HPSE2: variants seen among roughly 807,000 people sequenced by gnomAD.
HPSE2 encodes inactive heparanase-2.
Under a neutral mutation model 60.5 loss-of-function variants are expected in HPSE2, and 38 were observed. The ratio of observed to expected loss-of-function variants is 0.63; its 90% CI spans 0.48 to 0.82. HPSE2 has a LOEUF of 0.82. Among genes scored for constraint, HPSE2 ranks in the 40% least tolerant of loss-of-function variants. The probability of loss-of-function intolerance (pLI) is 0.00; values close to 1 mark genes in which losing one functional copy is unlikely to be tolerated. For synonymous variants in HPSE2, 295 were observed against 293.2 expected (o/e 1.01, Z -0.06); for missense variants, 713 against 740.4 (o/e 0.96, Z 0.43).
chr10:98,980,553 G>A, intron 3 of HPSE2, among the ~76,000 whole-genome samples: 1 of 152,190 alleles, frequency 6.6e-6, no homozygotes, highest in Non-Finnish European at 1.5e-5. Context: ...ATTGGTTACA[G>A]CTTGGCTTTT....
chr10:98,535,001 C>T (rs894556397), intron 9 of HPSE2, among the ~76,000 whole-genome samples: 2 of 152,214 alleles, frequency 1.3e-5, no homozygotes, highest in South Asian at 2.1e-4. Flanking sequence ...GTAAGGAGAA[C>T]CTTCCCTTCC....
intron 3 of HPSE2, among the ~76,000 whole-genome samples, chr10:98,805,745 GGAAA>G (rs1951027876): frequency 6.6e-6 from 1 of 151,992 alleles, no homozygotes; most frequent in Admixed American, 6.5e-5. Context: ...TAGACAATGC[GGAAA>G]GAAATTGTTG....
chr10:99,076,458 G>A (rs1842954526), intron 3 of HPSE2, among the ~76,000 whole-genome samples: 1 of 152,130 alleles, frequency 6.6e-6, no homozygotes. Context: ...TGTGATCTCA[G>A]CTCACTACAA....
chr10:98,636,963 C>T (rs1406173328), intron 7 of HPSE2, among the ~76,000 whole-genome samples: 1 of 152,222 alleles, frequency 6.6e-6, no homozygotes, highest in Non-Finnish European at 1.5e-5. Context: ...ACCATCTGCA[C>T]TGTGTCCTGA....
intron 6 of HPSE2, among the ~76,000 whole-genome samples, chr10:98,693,635 C>T (rs1332862199): frequency 6.6e-6 from 1 of 152,176 alleles, no homozygotes; most frequent in East Asian, 1.9e-4. Flanking sequence ...TCACTGATGA[C>T]AGATTAATTT....
At chr10:98,597,472 C>T (rs1945271676) in intron 9 of HPSE2, among the ~76,000 whole-genome samples, 1 of 150,692 alleles carries the variant, frequency 6.6e-6, no homozygotes, top group Non-Finnish European at 1.5e-5. Flanking sequence ...CGAGACCAGC[C>T]TTGTCAACAT....
chr10:98,896,651 AG>A (rs1953500993), intron 3 of HPSE2, among the ~76,000 whole-genome samples: 1 of 152,180 alleles, frequency 6.6e-6, no homozygotes, highest in Non-Finnish European at 1.5e-5. Flanking sequence ...AAATTAGAGC[AG>A]GAATGAATGA....
chr10:98,970,245 G>A (rs1157092964), intron 3 of HPSE2, among the ~76,000 whole-genome samples: 3 of 152,072 alleles, frequency 2.0e-5, no homozygotes, highest in African/African-American at 7.2e-5. Flanking sequence ...TTACAGGCCT[G>A]AGCCACCACG....
intron 2 of HPSE2, among the ~76,000 whole-genome samples, chr10:99,152,737 A>AG (rs760175573): frequency 3.0e-4 from 46 of 152,144 alleles, no homozygotes; most frequent in Non-Finnish European, 6.0e-4. Flanking sequence ...ACTGAAAATG[A>AG]GGGGGAGGAG....
intron 3 of HPSE2, among the ~76,000 whole-genome samples, chr10:98,918,272 G>T (rs1455259056): frequency 6.6e-6 from 1 of 151,988 alleles, no homozygotes; most frequent in South Asian, 2.1e-4. Flanking sequence ...TCAGTGTGGC[G>T]ATTCCTCAGG....
At chr10:99,292,519 CTGCACTCA>C in the HPSE2 span, among the ~76,000 whole-genome samples, 4 of 152,084 alleles carry the variant, frequency 2.6e-5, no homozygotes, top group Admixed American at 2.0e-4. Context: ...GAGACAGCCT[CTGCACTCA>C]TGGAACTCAC....
At chr10:98,866,475 C>A (rs1412905203) in intron 3 of HPSE2, among the ~76,000 whole-genome samples, 1 of 151,954 alleles carries the variant, frequency 6.6e-6, no homozygotes, top group Non-Finnish European at 1.5e-5. Flanking sequence ...AGACAACTTT[C>A]CAAATTTCAT....
At chr10:98,987,639 G>A (rs552028434) in intron 3 of HPSE2, among the ~76,000 whole-genome samples, 1 of 152,234 alleles carries the variant, frequency 6.6e-6, no homozygotes, top group Non-Finnish European at 1.5e-5. Context: ...GGAAGTTCTG[G>A]CCAGGGCAAT....
At chr10:98,803,603 C>G (rs1433913041) in intron 3 of HPSE2, among the ~76,000 whole-genome samples, 1 of 151,866 alleles carries the variant, frequency 6.6e-6, no homozygotes. Flanking sequence ...GCTTGTTTTT[C>G]TCAGGTTTGT....
the HPSE2 span, among the ~76,000 whole-genome samples, chr10:99,250,255 G>A: frequency 6.6e-6 from 1 of 151,930 alleles, no homozygotes; most frequent in Admixed American, 6.6e-5. Flanking sequence ...ATTTCCTGAG[G>A]CCTCCCCAAC....
chr10:98,537,967 A>G (rs190919121), intron 9 of HPSE2, among the ~76,000 whole-genome samples: 5 of 152,360 alleles, frequency 3.3e-5, no homozygotes, highest in East Asian at 3.9e-4. Flanking sequence ...GATCTTTCTT[A>G]TAAGTGCAGA....
chr10:98,537,302 G>GGCCA (rs1943312321), intron 9 of HPSE2, among the ~76,000 whole-genome samples: 1 of 152,184 alleles, frequency 6.6e-6, no homozygotes, highest in African/African-American at 2.4e-5. Context: ...GAAAGCTGAA[G>GGCCA]GCCAGAAGAG....
chr10:98,975,960 G>A (rs1956074550), intron 3 of HPSE2, among the ~76,000 whole-genome samples: 1 of 152,106 alleles, frequency 6.6e-6, no homozygotes, highest in South Asian at 2.1e-4. Flanking sequence ...TAGAACTAAG[G>A]AAAAGAGTAT....
intron 3 of HPSE2, among the ~76,000 whole-genome samples, chr10:98,893,517 AT>A (rs1953397754): frequency 6.6e-6 from 1 of 152,226 alleles, no homozygotes; most frequent in African/African-American, 2.4e-5. Flanking sequence ...TAAGAAAGTC[AT>A]GGGCTAGGAG....
Sources: allele counts gnomAD v4.1 joint callset (sites outside exome capture counted in the v4.1 genomes callset), GRCh38; gene constraint gnomAD v4.1.1; transcripts MANE v1.5; gene names NCBI Gene and HGNC (gene_info 2026-07-23, HGNC 2026-07-21).